The following ZFR variants were observed in gnomAD, a reference collection of about 807,000 sequenced individuals.
ZFR encodes zinc finger RNA-binding protein.
In ZFR, 19 loss-of-function variants were observed where a neutral mutation model predicts 130.7. The ratio of observed to expected loss-of-function variants is 0.15; its 90% confidence interval spans 0.10 to 0.21. The LOEUF (loss-of-function observed/expected upper bound fraction) is 0.21, where lower values mean the gene tolerates loss of function less well. ZFR is among the 10% of genes least tolerant of loss of function. The pLI, the probability that ZFR is intolerant of heterozygous loss-of-function variation, is 1.00. For missense variants in ZFR, 872 were observed against 1,321.5 expected (o/e 0.66, Z 5.27); for synonymous variants, 466 against 456.9 (o/e 1.02, Z -0.25).
At chr5:32,403,458 T>C in intron 7 of ZFR, 61 bp from the exon 8 acceptor site, 1 of 1,532,494 alleles carries the variant, frequency 6.5e-7, no homozygotes, top group South Asian at 1.3e-5. Context: ...AAAGTCTGCC[T>C]GGAACATTAT....
chr5:32,389,485 A>C (rs184340739), intron 12 of ZFR, among the ~76,000 whole-genome samples: 182 of 152,310 alleles, frequency 1.2e-3, no homozygotes, highest in South Asian at 3.7e-3. Context: ...CACCCAGACC[A>C]GTAAGAATAA....
chr5:32,356,033 A>C (rs537182595), intron 19 of ZFR, 94 bp from the exon 20 acceptor site: 1 of 958,834 alleles, frequency 1.0e-6, no homozygotes, highest in Non-Finnish European at 1.5e-6. Context: ...AACCTAAAAA[A>C]GCATGTGTAA....
At chr5:32,401,217 A>C (rs113618286) in intron 8 of ZFR, among the ~76,000 whole-genome samples, 6 of 152,252 alleles carry the variant, frequency 3.9e-5, no homozygotes, top group African/African-American at 1.4e-4. Context: ...TTAAGTATCT[A>C]CAACAATCTG....
intron 2 of ZFR, among the ~76,000 whole-genome samples, chr5:32,430,015 A>G (rs1250824324): frequency 1.4e-5 from 2 of 144,968 alleles, no homozygotes; most frequent in Admixed American, 1.5e-4. Context: ...CTACAACTGC[A>G]CCACCGCAAT....
rs1372476268 is a variant in ZFR, at chr5:32,400,117, C to T, written c.1603G>A (p.Val535Met). The change falls in exon 9 of 20, where the codon GTG (valine) becomes ATG (methionine). Residue 535 changes from valine (V) to methionine (M), a missense_variant. Val to Met is a conservative substitution (Grantham distance 21). Coordinates refer to ENST00000265069, the MANE Select transcript of ZFR (RefSeq NM_016107.5). ...CVKSTPVTSA[V>M]QIPEVKQDTV... ...TCTTGCTTTACTTCAGGAATCTGCA[C>T]AGCAGAAGTGACAGGAGTACTTTTA... The T allele has an allele frequency of 6.2e-7, 1 of 1,613,518 alleles. No individual in the cohort carries two copies. Among genetic ancestry groups the T allele is most frequent in the East Asian group, 2.2e-5 (1 of 44,874 alleles).
chr5:32,426,848 T>C (rs1281421335), intron 2 of ZFR, among the ~76,000 whole-genome samples: 1 of 147,248 alleles, frequency 6.8e-6, no homozygotes, highest in East Asian at 2.0e-4. Context: ...GAGGTTGCAG[T>C]GAGCTGAGAT....
At chr5:32,399,368 A>G (rs572410795) in intron 9 of ZFR, among the ~76,000 whole-genome samples, 93 of 152,252 alleles carry the variant, frequency 6.1e-4, no homozygotes, top group African/African-American at 2.0e-3. Flanking sequence ...ACTCTTCACA[A>G]CTTTGTTAGG....
chr5:32,434,271 T>C (rs1754284988), intron 2 of ZFR, among the ~76,000 whole-genome samples: 1 of 152,244 alleles, frequency 6.6e-6, no homozygotes, highest in Non-Finnish European at 1.5e-5. Flanking sequence ...ATGTAGGACA[T>C]TATCAGCTGA....
At chr5:32,402,515 A>G (rs1420175537) in intron 8 of ZFR, among the ~76,000 whole-genome samples, 3 of 151,962 alleles carry the variant, frequency 2.0e-5, no homozygotes, top group African/African-American at 7.3e-5. Context: ...CTTATAACCC[A>G]AGCACTTTGG....
intron 2 of ZFR, among the ~76,000 whole-genome samples, chr5:32,443,643 G>A (rs546726820): frequency 6.6e-6 from 1 of 152,276 alleles, no homozygotes; most frequent in Non-Finnish European, 1.5e-5. Context: ...TTTGTCAGCA[G>A]GACTCGCTAG....
At chr5:32,358,820 T>C (rs1395478333) in intron 19 of ZFR, among the ~76,000 whole-genome samples, 1 of 152,112 alleles carries the variant, frequency 6.6e-6, no homozygotes, top group Non-Finnish European at 1.5e-5. Flanking sequence ...GAGCCTACTG[T>C]TTTCCAAGAT....
chr5:32,363,511 G>A (rs1259417082), intron 19 of ZFR, among the ~76,000 whole-genome samples: 2 of 152,040 alleles, frequency 1.3e-5, no homozygotes, highest in Non-Finnish European at 2.9e-5. Flanking sequence ...TCAAATCCAG[G>A]GAGTCTGTCT....
In ZFR at chr5:32,388,767, C is replaced by G. The variant is rs554986085; in HGVS notation, c.2143-93G>C. 88 of 1,132,822 alleles carry G rather than the reference C, an allele frequency of 7.8e-5. No homozygotes were observed. The African/African-American group carries it at 1.1e-3, about 15-fold the overall frequency. The allele number at this position is 1,132,822 out of a possible 1,614,324, so 70.2% of individuals were successfully genotyped here. The stretch of plus-strand genomic sequence containing the variant: ...ACTATACATATTTGTTGTATCTTTT[C>G]AATAAGAAAGCCTTTATCTTCTTTT... On this transcript the variant is annotated intron_variant, in intron 12 of 19. Coordinates refer to ENST00000265069, the MANE Select transcript of ZFR (RefSeq NM_016107.5).
At chr5:32,439,748 G>GGGGT (rs1343814536) in intron 2 of ZFR, among the ~76,000 whole-genome samples, 2 of 141,660 alleles carry the variant, frequency 1.4e-5, no homozygotes. Flanking sequence ...CAAGGCTGCA[G>GGGGT]TGAGCTATGA....
At position 32,380,165 on chromosome 5, in the gene ZFR, G is replaced by T. The variant is rs371175305; in HGVS notation, c.2649C>A (p.Thr883=). Residue 883 remains threonine, a synonymous_variant, in exon 16 of 20, where the codon ACC becomes ACA. Transcript: ENST00000265069. The part of the protein sequence containing the change: ...REENMREGDV[T]SGMVKDPPDV... The stretch of plus-strand genomic sequence containing the variant: ...CCGGTGGGTCTTTCACCATACCCGA[G>T]GTTACATCTAAAATGGATTGAATTG... 29 of 1,613,582 alleles carry T rather than the reference G, an allele frequency of 1.8e-5. No individual in the cohort carries two copies. The African/African-American group carries it at 2.8e-4, about 16-fold the overall frequency.
Position 32,406,914 on chromosome 5 carries a change from C to T in ZFR, c.892G>A (p.Ala298Thr). The change falls in exon 6 of 20, where the codon GCT becomes ACT. Residue 298 changes from alanine to threonine, a missense_variant. Around this residue, in one of 7 missense-constraint regions of ZFR, gnomAD observed 240 missense variants for 441.2 expected, o/e 0.54. Transcript: ENST00000265069. Reference protein sequence around the residue: ...KQAAAAAAAAAATAAWTGTTF... With the variant: ...KQAAAAAAAATATAAWTGTTF... The stretch of plus-strand genomic sequence containing the variant: ...GTCCCTGTCCAGGCAGCTGTTGCAG[C>T]AGCAGCAGCAGCTGCTGCTGCTGCC... The T allele has an allele frequency of 6.2e-7, 1 of 1,606,904 alleles. No individual in the cohort carries two copies. Among genetic ancestry groups the T allele is most frequent in the Non-Finnish European group, 8.5e-7 (1 of 1,178,358 alleles).
At chr5:32,425,154 C>T (rs1754045347) in intron 2 of ZFR, among the ~76,000 whole-genome samples, 1 of 152,174 alleles carries the variant, frequency 6.6e-6, no homozygotes, top group South Asian at 2.1e-4. Flanking sequence ...AAGAGGAATA[C>T]TATTCAGTGA....
At chr5:32,427,327 G>GGTGGCC (rs1222390916) in intron 2 of ZFR, among the ~76,000 whole-genome samples, 1 of 146,220 alleles carries the variant, frequency 6.8e-6, no homozygotes, top group African/African-American at 2.5e-5. Context: ...CAGGGCTGCA[G>GGTGGCC]GTGGCCGTGA....
At chr5:32,431,254 C>T (rs1010307839) in intron 2 of ZFR, among the ~76,000 whole-genome samples, 1 of 151,882 alleles carries the variant, frequency 6.6e-6, no homozygotes, top group Non-Finnish European at 1.5e-5. Context: ...TAATTGTGTC[C>T]AACAGTAATT....
Sources: allele counts gnomAD v4.1 joint callset (sites outside exome capture counted in the v4.1 genomes callset), GRCh38; gene constraint gnomAD v4.1.1; regional missense constraint gnomAD v4.1.1; transcripts MANE v1.5; gene names NCBI Gene and HGNC (gene_info 2026-07-23, HGNC 2026-07-21).